The following SPMAP2L variants were observed in gnomAD, a reference collection of about 807,000 sequenced individuals.
SPMAP2L encodes sperm microtubule associated protein 2 like, also known as sperm microtubule associated protein 2-like.
chr4:56,593,327 G>A, the SPMAP2L span: 2 of 1,128,038 alleles, frequency 1.8e-6, no homozygotes, highest in Admixed American at 3.4e-5. Context: ...GACCCCCATT[G>A]CCACCCACAG....
the SPMAP2L span, among the ~76,000 whole-genome samples, chr4:56,570,450 G>C: frequency 6.6e-6 from 1 of 152,186 alleles, no homozygotes; most frequent in Non-Finnish European, 1.5e-5. Context: ...GGGCTACAAA[G>C]CTGTGCAGCG....
chr4:56,538,940 T>C, the SPMAP2L span, among the ~76,000 whole-genome samples: 3 of 152,220 alleles, frequency 2.0e-5, no homozygotes, highest in South Asian at 4.1e-4. Flanking sequence ...AGTATATTTA[T>C]ATAATATTTA....
At chr4:56,608,526 G>A in the SPMAP2L span, among the ~76,000 whole-genome samples, 2 of 152,200 alleles carry the variant, frequency 1.3e-5, no homozygotes, top group Non-Finnish European at 1.5e-5. Context: ...AGGACAGAAT[G>A]ATTTCAAAGC....
At chr4:56,600,260 T>C in the SPMAP2L span, among the ~76,000 whole-genome samples, 2 of 151,972 alleles carry the variant, frequency 1.3e-5, no homozygotes, top group Non-Finnish European at 2.9e-5. Flanking sequence ...AGCCTAAGTA[T>C]TATTTTTAGC....
At chr4:56,577,542 C>T in the SPMAP2L span, among the ~76,000 whole-genome samples, 192 of 151,972 alleles carry the variant, frequency 1.3e-3, no homozygotes, top group Non-Finnish European at 2.0e-3. Context: ...GCAGAGATTG[C>T]GCCACTGTAC....
At chr4:56,532,135 A>T in the SPMAP2L span, among the ~76,000 whole-genome samples, 6,270 of 152,124 alleles carry the variant, frequency 0.041, 236 homozygotes, top group East Asian at 0.19. Flanking sequence ...AGCTCACTTT[A>T]TTCCCTTAGT....
the SPMAP2L span, among the ~76,000 whole-genome samples, chr4:56,596,857 G>T: frequency 2.0e-5 from 3 of 152,190 alleles, no homozygotes; most frequent in African/African-American, 7.2e-5. Context: ...TCAAATTGCA[G>T]CCTCGTCACT....
chr4:56,569,510 TA>T, the SPMAP2L span, among the ~76,000 whole-genome samples: 45 of 151,904 alleles, frequency 3.0e-4, 1 homozygote, highest in South Asian at 8.5e-3. Context: ...GTTTTTTTTT[TA>T]AAAAAATGGG....
the SPMAP2L span, among the ~76,000 whole-genome samples, chr4:56,606,273 T>G: frequency 6.6e-6 from 1 of 152,210 alleles, no homozygotes; most frequent in South Asian, 2.1e-4. Flanking sequence ...TCACTCTGAA[T>G]TCATTCTTCC....
At chr4:56,618,675 A>G in the SPMAP2L span, among the ~76,000 whole-genome samples, 2 of 152,186 alleles carry the variant, frequency 1.3e-5, no homozygotes, top group African/African-American at 4.8e-5. Context: ...CCCTCCCACC[A>G]CACAGGGGGA....
At chr4:56,557,864 T>C in the SPMAP2L span, 1 of 152,254 alleles carries the variant, frequency 6.6e-6, no homozygotes, top group African/African-American at 2.4e-5. Context: ...AACAGGTAAT[T>C]TTTAAAATGC....
At chr4:56,623,792 T>C in the SPMAP2L span, among the ~76,000 whole-genome samples, 1 of 152,184 alleles carries the variant, frequency 6.6e-6, no homozygotes, top group Non-Finnish European at 1.5e-5. Context: ...GCCTCCCCAC[T>C]CATGTGGAAC....
chr4:56,541,020 A>G, the SPMAP2L span, among the ~76,000 whole-genome samples: 2 of 152,272 alleles, frequency 1.3e-5, no homozygotes, highest in African/African-American at 4.8e-5. Context: ...GCACTGGACT[A>G]GGAGTTAGGA....
chr4:56,564,165 A>C, the SPMAP2L span, among the ~76,000 whole-genome samples: 1 of 141,896 alleles, frequency 7.0e-6, no homozygotes, highest in African/African-American at 2.7e-5. Flanking sequence ...ACATGGTCTC[A>C]CTCTGTCACC....
chr4:56,608,813 G>A, the SPMAP2L span, among the ~76,000 whole-genome samples: 2 of 152,190 alleles, frequency 1.3e-5, no homozygotes, highest in Admixed American at 1.3e-4. Flanking sequence ...TGCTGACCAT[G>A]GGTTGTGCCC....
At chr4:56,600,289 A>G in the SPMAP2L span, among the ~76,000 whole-genome samples, 1 of 150,646 alleles carries the variant, frequency 6.6e-6, no homozygotes, top group Non-Finnish European at 1.5e-5. Context: ...AAACAATAGG[A>G]TGGGTTTATT....
the SPMAP2L span, among the ~76,000 whole-genome samples, chr4:56,532,804 G>T: frequency 6.6e-6 from 1 of 152,126 alleles, no homozygotes; most frequent in Admixed American, 6.6e-5. Context: ...TGGCTTCTCA[G>T]TTCTCTGATC....
the SPMAP2L span, chr4:56,575,617 T>C: frequency 2.6e-6 from 4 of 1,535,326 alleles, no homozygotes; most frequent in African/African-American, 5.5e-5. Flanking sequence ...GCCCAATGGA[T>C]TCAAAAGACA....
chr4:56,595,122 A>T, the SPMAP2L span: 1 of 1,611,500 alleles, frequency 6.2e-7, no homozygotes, highest in East Asian at 2.2e-5. Context: ...AGATGATGGG[A>T]GGCAAGGGCC....
Sources: gnomAD v4.1 joint callset for allele counts (sites outside exome capture counted in the v4.1 genomes callset) on GRCh38, gnomAD v4.1.1 for gene constraint, MANE v1.5 for transcripts, NCBI Gene and HGNC (gene_info 2026-07-23, HGNC 2026-07-21) for gene names.